Variants in MCF2 observed in about 807,000 individuals in gnomAD.
MCF2 encodes proto-oncogene DBL.
In MCF2, 44 loss-of-function variants were observed where a neutral mutation model predicts 82.5. The observed-to-expected ratio is 0.53, with a 90% CI of 0.42 to 0.69. The LOEUF (loss-of-function observed/expected upper bound fraction) is 0.69, where lower values mean the gene tolerates loss of function less well. Ranked by LOEUF, MCF2 falls within the 30% of genes least tolerant of loss-of-function variation. The pLI is 0.00. For missense variants in MCF2, 623 were observed against 663.1 expected (o/e 0.94, Z 0.66); for synonymous variants, 217 against 224.9 (o/e 0.96, Z 0.32).
At chrX:139,623,363 G>A (rs942056910) in intron 6 of MCF2, among the ~76,000 whole-genome samples, 1 of 111,677 alleles carries the variant, frequency 9.0e-6, no homozygotes, top group Admixed American at 9.5e-5. Context: ...TAAAGAAAAT[G>A]TGGTACAAAT....
chrX:139,586,381 T>C (rs758386691), exon 23 of MCF2: 20 of 1,193,766 alleles, frequency 1.7e-5, no homozygotes, highest in Middle Eastern at 2.3e-4. Context: ...CACATACCTG[T>C]ATTTGCTTCT....
In MCF2 at chrX:139,651,714, G is replaced by C; in HGVS notation, c.25+6C>G. Reference sequence around the variant, plus strand: ...ATCTGGACTATATATAAGAAAGTTTGCTTACCAGACAAGAAGGCGATGTCT... The same window carrying C: ...ATCTGGACTATATATAAGAAAGTTTCCTTACCAGACAAGAAGGCGATGTCT... On this transcript the variant is annotated splice_donor_region_variant and intron_variant, in intron 2 of 27. Coordinates refer to the MCF2 transcript ENST00000414978. The C allele has an allele frequency of 8.8e-7, 1 of 1,132,422 alleles. No individual in the cohort carries two copies. 93.3% of individuals were successfully genotyped at this position (1,132,422 alleles called of 1,213,427 possible).
At chrX:139,645,696 A>G, upstream of MCF2, 2 of 814,037 alleles carry the variant, frequency 2.5e-6, no homozygotes, top group South Asian at 2.4e-5. Context: ...TTTCTTAATA[A>G]TAATGCAAAT....
chrX:139,586,539 A>C (rs760534286), intron 22 of MCF2, 52 bp from the exon 27 acceptor site: 2 of 869,907 alleles, frequency 2.3e-6, no homozygotes, highest in South Asian at 4.4e-5. Flanking sequence ...TTTACAAGTA[A>C]AAAGAAATTT....
upstream of MCF2, among the ~76,000 whole-genome samples, chrX:139,647,206 C>A (rs955694020): frequency 3.6e-5 from 4 of 111,791 alleles, no homozygotes; most frequent in Admixed American, 3.8e-4. Context: ...ATCTGGACAA[C>A]CAAGGGGTTG....
chrX:139,585,167 C>T, exon 24 of MCF2: 1 of 1,176,001 alleles, frequency 8.5e-7, no homozygotes, highest in Non-Finnish European at 1.2e-6. Context: ...GATTGTGATG[C>T]CTCAGTCCAA....
intron 20 of MCF2, 85 bp downstream of exon 24, chrX:139,589,750 G>T: frequency 1.5e-6 from 1 of 670,972 alleles, no homozygotes; most frequent in South Asian, 2.5e-5. Context: ...TTTGAAATGC[G>T]ACCAAAATTA....
rs762547419 is a variant in MCF2, at chrX:139,582,468, T to C, written c.*3A>G. 8 of 1,209,896 alleles carry C rather than the reference T, an allele frequency of 6.6e-6. No individual in the cohort carries two copies. The South Asian group carries it at 1.4e-4, about 21-fold the overall frequency. The stretch of plus-strand genomic sequence containing the variant: ...CTACTTGCCATTTGACATAGTAGCT[T>C]CATCAATATAGGAGAGCCATCTCCG... On this transcript the variant is annotated 3_prime_UTR_variant, in exon 25 of 25. Coordinates refer to ENST00000370576, the Ensembl canonical transcript of MCF2.
chrX:139,626,746 G>T, exon 5 of MCF2: 1 of 1,208,290 alleles, frequency 8.3e-7, no homozygotes, highest in Non-Finnish European at 1.1e-6. Flanking sequence ...GGTTACAGCT[G>T]TAATATCATT....
chrX:139,586,537 T>A (rs773074348), intron 22 of MCF2, 50 bp from the exon 27 acceptor site: 1 of 869,468 alleles, frequency 1.2e-6, no homozygotes, highest in Non-Finnish European at 1.7e-6. Flanking sequence ...AGTTTACAAG[T>A]AAAAAGAAAT....
intron 15 of MCF2, among the ~76,000 whole-genome samples, chrX:139,603,683 A>C (rs1483098680): frequency 9.1e-6 from 1 of 110,285 alleles, no homozygotes; most frequent in Non-Finnish European, 1.9e-5. Flanking sequence ...AAAATACAAA[A>C]AATTAGCTGG....
intron 20 of MCF2, among the ~76,000 whole-genome samples, chrX:139,588,752 ACT>A (rs1491155209): frequency 3.7e-5 from 4 of 107,228 alleles, no homozygotes; most frequent in Non-Finnish European, 7.7e-5. Context: ...CTCTACTACT[ACT>A]ACTACTACTA....
At chrX:139,679,263 A>G (rs1934945843) in intron 1 of MCF2, among the ~76,000 whole-genome samples, 1 of 112,162 alleles carries the variant, frequency 8.9e-6, no homozygotes, top group South Asian at 3.7e-4. Flanking sequence ...AGATGCTCAG[A>G]CTTTTAAGTG....
chrX:139,676,460 G>A (rs1306582983), intron 1 of MCF2, among the ~76,000 whole-genome samples: 1 of 111,777 alleles, frequency 8.9e-6, no homozygotes, highest in Non-Finnish European at 1.9e-5. Context: ...TCTTGGAATG[G>A]AAAAAAATTC....
intron 1 of MCF2, among the ~76,000 whole-genome samples, chrX:139,698,471 T>C (rs1935424589): frequency 8.9e-6 from 1 of 111,888 alleles, no homozygotes; most frequent in South Asian, 3.7e-4. Context: ...GCTTGTTTCT[T>C]TCTGAATTTC....
exon 19 of MCF2, chrX:139,596,560 G>A (rs148399555): frequency 2.7e-5 from 32 of 1,201,861 alleles, no homozygotes; most frequent in African/African-American, 1.1e-4. Context: ...TTCCAACAGT[G>A]TTTAAAACTG....
At chrX:139,605,423 G>A (rs903081439) in intron 13 of MCF2, among the ~76,000 whole-genome samples, 7 of 111,134 alleles carry the variant, frequency 6.3e-5, no homozygotes, top group Admixed American at 5.8e-4. Flanking sequence ...TTTACATCAC[G>A]ATCTCTAAAT....
At position 139,626,875 on chromosome X, in the gene MCF2, T is replaced by C. The variant is rs1368635420; in HGVS notation, c.439-119A>G. 5 of 596,556 alleles carry C rather than the reference T, an allele frequency of 8.4e-6. No individual in the cohort carries two copies. In the African/African-American group the frequency reaches 9.2e-5, roughly 11 times the overall value. The allele number at this position is 596,556 out of a possible 1,213,427, so 49.2% of individuals were successfully genotyped here. ...GAAACAGTTAATTCTAGAATGGCCTTTGCTTTCATAGCTCTCTGAAAATTC... is the reference window on the plus strand; with the variant it reads ...GAAACAGTTAATTCTAGAATGGCCTCTGCTTTCATAGCTCTCTGAAAATTC... On this transcript the variant is annotated intron_variant, in intron 4 of 24. Coordinates refer to ENST00000370576, the Ensembl canonical transcript of MCF2.
At chrX:139,693,648 C>G (rs1004557767) in intron 1 of MCF2, among the ~76,000 whole-genome samples, 2 of 111,643 alleles carry the variant, frequency 1.8e-5, no homozygotes, top group African/African-American at 6.5e-5. Flanking sequence ...GTTTGCCAGC[C>G]TCTCTCTTGA....
Sources: allele counts gnomAD v4.1 joint callset (sites outside exome capture counted in the v4.1 genomes callset), GRCh38; gene constraint gnomAD v4.1.1; transcripts MANE v1.5; gene names NCBI Gene and HGNC (gene_info 2026-07-23, HGNC 2026-07-21).